The following CDH23 variants were observed in gnomAD, a reference collection of about 807,000 sequenced individuals.
CDH23 encodes the protein cadherin-23.
Under a neutral mutation model 317.1 loss-of-function variants are expected in CDH23, and 189 were observed. The observed-to-expected ratio is 0.60, with a 90% CI of 0.53 to 0.67. The LOEUF (loss-of-function observed/expected upper bound fraction) is 0.67, where lower values mean the gene tolerates loss of function less well. Ranked by LOEUF, CDH23 falls within the 30% of genes least tolerant of loss-of-function variation. The probability of loss-of-function intolerance (pLI) is 0.00; values close to 1 mark genes in which losing one functional copy is unlikely to be tolerated. For synonymous variants in CDH23, 1,839 were observed against 1,876.8 expected (o/e 0.98, Z 0.52); for missense variants, 4,401 against 4,592.4 (o/e 0.96, Z 1.20).
intron 6 of CDH23, among the ~76,000 whole-genome samples, chr10:71,556,907 C>T (rs980336601): frequency 1.3e-5 from 2 of 152,190 alleles, no homozygotes. Flanking sequence ...TTCACTTTTA[C>T]ACCATCCTCT....
intron 6 of CDH23, among the ~76,000 whole-genome samples, chr10:71,553,698 G>A (rs1461979494): frequency 6.6e-6 from 1 of 152,228 alleles, no homozygotes; most frequent in Non-Finnish European, 1.5e-5. Context: ...TGTAAGGCCC[G>A]CCCTGAGGAG....
At chr10:71,774,862 G>A (rs958693445) in intron 38 of CDH23, among the ~76,000 whole-genome samples, 5 of 152,202 alleles carry the variant, frequency 3.3e-5, no homozygotes, top group African/African-American at 1.2e-4. Context: ...CTCAATGGGA[G>A]CCAGGAGTCC....
At chr10:71,761,242 A>G (rs952408709) in intron 38 of CDH23, among the ~76,000 whole-genome samples, 6 of 152,190 alleles carry the variant, frequency 3.9e-5, no homozygotes, top group African/African-American at 1.4e-4. Context: ...CCATTCAGCC[A>G]TCCACTGAGT....
At chr10:71,690,370 T>A in intron 19 of CDH23, 98 bp from the exon 20 acceptor site, 3 of 838,304 alleles carry the variant, frequency 3.6e-6, no homozygotes, top group Non-Finnish European at 5.6e-6. Context: ...CACGTCCTCC[T>A]CTTGGGCCAG....
intron 6 of CDH23, among the ~76,000 whole-genome samples, chr10:71,531,720 A>G (rs2132261304): frequency 6.6e-6 from 1 of 152,174 alleles, no homozygotes; most frequent in Admixed American, 6.5e-5. Context: ...GCCATAGACA[A>G]CACCCATATT....
rs568706294 is a variant in CDH23 at position 71,422,846 on chromosome 10, A to T, written c.-5-16981A>T. Among the ~76,000 whole-genome samples, 32 of 152,280 alleles carry T rather than the reference A, an allele frequency of 2.1e-4. No individual in the cohort carries two copies. The South Asian group carries it at 6.4e-3, about 31-fold the overall frequency. On this transcript the variant is annotated intron_variant, in intron 1 of 69. Transcript: ENST00000224721. Reference sequence around the variant, plus strand: ...GTTGAGGCCCAGAGAGGGGAAGAACAGTATGCTTACCTGCTGCTACCACAG... The same window carrying T: ...GTTGAGGCCCAGAGAGGGGAAGAACTGTATGCTTACCTGCTGCTACCACAG...
At chr10:71,525,433 C>G (rs1854982226) in intron 6 of CDH23, among the ~76,000 whole-genome samples, 1 of 152,216 alleles carries the variant, frequency 6.6e-6, no homozygotes, top group Admixed American at 6.5e-5. Context: ...CTGTGGCCTT[C>G]AGGCAGGAGG....
At chr10:71,489,629 G>A (rs924326991) in intron 3 of CDH23, among the ~76,000 whole-genome samples, 1 of 151,780 alleles carries the variant, frequency 6.6e-6, no homozygotes, top group African/African-American at 2.4e-5. Flanking sequence ...GTGTGTGTGT[G>A]TGTGTGAATT....
At chr10:71,603,584 C>T (rs990045672) in intron 9 of CDH23, among the ~76,000 whole-genome samples, 25 of 152,312 alleles carry the variant, frequency 1.6e-4, no homozygotes, top group African/African-American at 5.1e-4. Flanking sequence ...CCCCAGGCCC[C>T]GGAGGTAACC....
At chr10:71,557,763 C>A (rs1416431122) in intron 6 of CDH23, among the ~76,000 whole-genome samples, 2 of 152,150 alleles carry the variant, frequency 1.3e-5, no homozygotes, top group Non-Finnish European at 2.9e-5. Flanking sequence ...TTTGGTGCCA[C>A]TTTGACTCTT....
chr10:71,715,951 T>G (rs1204126994), intron 28 of CDH23: 2 of 1,472,626 alleles, frequency 1.4e-6, no homozygotes, highest in South Asian at 1.4e-5. Context: ...TCTTGGTAGA[T>G]TCCATGTAGT....
intron 3 of CDH23, among the ~76,000 whole-genome samples, chr10:71,463,192 C>T (rs762589383): frequency 1.2e-4 from 19 of 152,146 alleles, no homozygotes; most frequent in Non-Finnish European, 2.4e-4. Context: ...AAAGAGGCCG[C>T]GTTCTGAAAT....
At chr10:71,565,633 G>T (rs1857355501) in intron 6 of CDH23, among the ~76,000 whole-genome samples, 1 of 152,152 alleles carries the variant, frequency 6.6e-6, no homozygotes, top group South Asian at 2.1e-4. Flanking sequence ...GCCCTTGTCT[G>T]TGCCCCTCTA....
Position 71,695,408 on chromosome 10 carries a change from G to A in CDH23, c.2290-10G>A. On this transcript the variant is annotated splice_polypyrimidine_tract_variant and intron_variant, in intron 21 of 69. Transcript: ENST00000224721. ...GGGTGTGTCTCCCAGCGCCCCTTAT[G>A]GCTTCACAGGTAAACATCACCCTCC... is the stretch of plus-strand genomic sequence containing the variant. 1 of 1,594,736 alleles carries A rather than the reference G, an allele frequency of 6.3e-7. No individual in the cohort carries two copies. Among genetic ancestry groups the A allele is most frequent in the Non-Finnish European group, 8.6e-7 (1 of 1,162,162 alleles).
chr10:71,689,075 AG>A (rs1865065023), intron 19 of CDH23, among the ~76,000 whole-genome samples: 13 of 137,692 alleles, frequency 9.4e-5, no homozygotes, highest in Non-Finnish European at 1.1e-4. Context: ...GGGGTGGTGG[AG>A]CCAGGGGTGG....
At chr10:71,402,757 G>A (rs965583873) in intron 1 of CDH23, among the ~76,000 whole-genome samples, 11 of 151,870 alleles carry the variant, frequency 7.2e-5, no homozygotes, top group Non-Finnish European at 1.0e-4. Context: ...ACGCGCGCGC[G>A]CGCACATGCG....
At chr10:71,679,295 G>A in intron 16 of CDH23, 92 bp from the exon 17 acceptor site, 2 of 893,518 alleles carry the variant, frequency 2.2e-6, no homozygotes, top group East Asian at 2.6e-5. Flanking sequence ...CTGTGAACAG[G>A]GCCAGTCTTC....
intron 6 of CDH23, among the ~76,000 whole-genome samples, chr10:71,536,404 C>T (rs1174094044): frequency 6.6e-6 from 1 of 152,124 alleles, no homozygotes; most frequent in East Asian, 1.9e-4. Flanking sequence ...GAGGGGTGGG[C>T]TGCGAACAGT....
intron 9 of CDH23, among the ~76,000 whole-genome samples, chr10:71,593,921 C>T (rs764344964): frequency 1.3e-5 from 2 of 152,256 alleles, no homozygotes; most frequent in South Asian, 2.1e-4. Flanking sequence ...GGAGTTTAGA[C>T]CAGCCTGGGC....
Sources: allele counts gnomAD v4.1 joint callset (sites outside exome capture counted in the v4.1 genomes callset), GRCh38; gene constraint gnomAD v4.1.1; transcripts MANE v1.5; gene names NCBI Gene and HGNC (gene_info 2026-07-23, HGNC 2026-07-21).